RARB: variants seen among roughly 807,000 people sequenced by gnomAD.
The protein encoded by RARB is retinoic acid receptor beta.
RARB carries 17 observed loss-of-function variants against 51.9 expected under a neutral mutation model. That is an observed-to-expected ratio of 0.33 (90% CI 0.22 to 0.49). The LOEUF (loss-of-function observed/expected upper bound fraction) is 0.49. Among genes scored for constraint, RARB ranks in the 20% least tolerant of loss-of-function variants. RARB has a pLI of 0.99. For missense variants in RARB, 369 were observed against 550.8 expected, an observed-to-expected ratio of 0.67 and a Z score of 3.30; for synonymous variants, 215 against 195.4, an observed-to-expected ratio of 1.10 and a Z score of -0.84.
intron 2 of RARB, among the ~76,000 whole-genome samples, chr3:25,025,925 T>C (rs1480451913): frequency 6.6e-6 from 1 of 152,166 alleles, no homozygotes; most frequent in Non-Finnish European, 1.5e-5. Flanking sequence ...TTGCTATTTT[T>C]ATGGCTTAAA....
At chr3:25,256,377 C>A (rs1702865555) in intron 5 of RARB, among the ~76,000 whole-genome samples, 1 of 152,128 alleles carries the variant, frequency 6.6e-6, no homozygotes, top group South Asian at 2.1e-4. Context: ...TCTAGAAAAT[C>A]TATTTACCTT....
intron 3 of RARB, among the ~76,000 whole-genome samples, chr3:25,092,678 T>A (rs1398439145): frequency 1.3e-5 from 2 of 152,162 alleles, no homozygotes; most frequent in Non-Finnish European, 2.9e-5. Context: ...TGCAGAAATT[T>A]TGCGAATGCC....
intron 3 of RARB, among the ~76,000 whole-genome samples, chr3:25,110,998 T>C (rs1341662496): frequency 6.6e-6 from 1 of 152,110 alleles, no homozygotes; most frequent in East Asian, 1.9e-4. Context: ...AGAAGAACAG[T>C]GGGAATAGGG....
intron 5 of RARB, among the ~76,000 whole-genome samples, chr3:25,586,867 C>T (rs769604668): frequency 1.1e-4 from 17 of 152,202 alleles, no homozygotes; most frequent in Admixed American, 2.6e-4. Context: ...TTCAGCGTTG[C>T]GCCTGGGCGT....
intron 2 of RARB, among the ~76,000 whole-genome samples, chr3:25,466,344 G>A (rs1243194355): frequency 6.6e-6 from 1 of 152,034 alleles, no homozygotes; most frequent in Non-Finnish European, 1.5e-5. Flanking sequence ...TTACAAGCAT[G>A]TGCCACCACA....
At chr3:25,491,391 G>C (rs1484602933) in intron 2 of RARB, among the ~76,000 whole-genome samples, 1 of 152,044 alleles carries the variant, frequency 6.6e-6, no homozygotes, top group East Asian at 1.9e-4. Context: ...ATTTCTCAGA[G>C]GCATCCCAAG....
At chr3:25,210,738 T>C (rs867279710) in intron 5 of RARB, among the ~76,000 whole-genome samples, 15 of 151,734 alleles carry the variant, frequency 9.9e-5, no homozygotes, top group Non-Finnish European at 1.8e-4. Context: ...TTTCATCACA[T>C]TGGCCATGCT....
At chr3:25,444,302 G>A (rs894968865) in intron 1 of RARB, among the ~76,000 whole-genome samples, 12 of 152,158 alleles carry the variant, frequency 7.9e-5, no homozygotes, top group Non-Finnish European at 4.4e-5. Context: ...CTTTGCCAAC[G>A]ATATAAATTT....
intron 5 of RARB, among the ~76,000 whole-genome samples, chr3:25,357,076 T>C (rs1705765761): frequency 6.6e-6 from 1 of 152,206 alleles, no homozygotes; most frequent in African/African-American, 2.4e-5. Flanking sequence ...TCTAGATCCT[T>C]GAGGAATCAC....
intron 5 of RARB, among the ~76,000 whole-genome samples, chr3:25,296,264 C>A (rs900946796): frequency 6.6e-6 from 1 of 152,092 alleles, no homozygotes; most frequent in African/African-American, 2.4e-5. Context: ...GGCAAGGCAG[C>A]CTGGAGTCTG....
At chr3:24,867,281 A>G (rs1702868485) in intron 2 of RARB, among the ~76,000 whole-genome samples, 1 of 152,106 alleles carries the variant, frequency 6.6e-6, no homozygotes, top group Admixed American at 6.6e-5. Context: ...TATAAACTAA[A>G]TATCTCCCAA....
chr3:25,524,737 T>A (rs917905477), intron 3 of RARB, among the ~76,000 whole-genome samples: 14 of 151,776 alleles, frequency 9.2e-5, no homozygotes, highest in African/African-American at 3.4e-4. Context: ...TTTATCATTA[T>A]TTTTTTTCAT....
chr3:25,458,447 T>C (rs1029565626), intron 1 of RARB: 14 of 152,236 alleles, frequency 9.2e-5, no homozygotes, highest in African/African-American at 3.1e-4. Flanking sequence ...AGTGATACAT[T>C]GTTTTCTAAT....
intron 3 of RARB, among the ~76,000 whole-genome samples, chr3:25,070,641 T>C (rs917602825): frequency 1.3e-5 from 2 of 152,214 alleles, no homozygotes; most frequent in East Asian, 1.9e-4. Flanking sequence ...TTATATAGCA[T>C]AGGAATATTT....
intron 5 of RARB, among the ~76,000 whole-genome samples, chr3:25,206,141 T>A (rs1701539462): frequency 6.6e-6 from 1 of 152,248 alleles, no homozygotes; most frequent in Non-Finnish European, 1.5e-5. Context: ...GTATAGATGA[T>A]GATAATATGG....
intron 2 of RARB, among the ~76,000 whole-genome samples, chr3:25,034,860 G>A (rs2125291838): frequency 6.6e-6 from 1 of 152,302 alleles, no homozygotes; most frequent in East Asian, 1.9e-4. Flanking sequence ...TGGAAACATT[G>A]GAGTGCCATT....
intron 5 of RARB, among the ~76,000 whole-genome samples, chr3:25,584,221 A>G (rs1701295037): frequency 6.6e-6 from 1 of 151,932 alleles, no homozygotes; most frequent in Non-Finnish European, 1.5e-5. Context: ...TGTGCCGCGC[A>G]CTATTCTAGG....
intron 2 of RARB, among the ~76,000 whole-genome samples, chr3:25,042,022 G>A (rs1277251150): frequency 6.6e-6 from 1 of 152,116 alleles, no homozygotes. Context: ...CTGGCCCCAG[G>A]TGTAATAACA....
intron 4 of RARB, among the ~76,000 whole-genome samples, chr3:25,153,458 T>C (rs1700324900): frequency 6.7e-6 from 1 of 150,324 alleles, no homozygotes; most frequent in Non-Finnish European, 1.5e-5. Context: ...TTTAGTCCAT[T>C]TGTACGACTT....
Sources: gnomAD v4.1 joint callset for allele counts (sites outside exome capture counted in the v4.1 genomes callset) on GRCh38, gnomAD v4.1.1 for gene constraint, MANE v1.5 for transcripts, NCBI Gene and HGNC (gene_info 2026-07-23, HGNC 2026-07-21) for gene names.